Variants in ARF1 observed in about 807,000 individuals in gnomAD.
ARF1 encodes the protein ADP-ribosylation factor 1.
In ARF1, 1 loss-of-function variant was observed where a neutral mutation model predicts 18.0. That is an observed-to-expected ratio of 0.06 (90% CI 0.02 to 0.26). The LOEUF (loss-of-function observed/expected upper bound fraction) is 0.26, where lower values mean the gene tolerates loss of function less well. Among genes scored for constraint, ARF1 ranks in the 10% least tolerant of loss-of-function variants. ARF1 has a pLI of 1.00. For synonymous variants in ARF1, 112 were observed against 96.3 expected (o/e 1.16, Z -0.95); for missense variants, 73 against 247.2 (o/e 0.30, Z 4.73).
chr1:228,085,328 T>C (rs1351508670), intron 1 of ARF1, among the ~76,000 whole-genome samples: 4 of 152,266 alleles, frequency 2.6e-5, no homozygotes, highest in African/African-American at 9.6e-5. Flanking sequence ...GTTGCATTTA[T>C]TGCCTTACAG....
chr1:228,083,043 C>T (rs1276200341), intron 1 of ARF1: 1 of 152,444 alleles, frequency 6.6e-6, no homozygotes, highest in Non-Finnish European at 1.5e-5. Context: ...CTCTGCCTGT[C>T]CCTGCCCCCG....
rs1056596548 is a variant in ARF1, at chr1:228,089,644, G to A, written c.-38+6879G>A. Reference sequence around the variant, plus strand: ...GCATTAATTTTCTTTAACCTGGTGCGGAGAAGCTACAAGGGCCCCACCCCC... The same window carrying A: ...GCATTAATTTTCTTTAACCTGGTGCAGAGAAGCTACAAGGGCCCCACCCCC... On this transcript the variant is annotated intron_variant, in intron 1 of 4. Transcript: ENST00000272102. The surrounding 1 kb of genome is among the most constrained non-coding windows in gnomAD (Gnocchi z 4.1). 6.6e-6 allele frequency among the ~76,000 whole-genome samples: 1 copy of A among 152,176 alleles called. No individual in the cohort carries two copies. Among genetic ancestry groups the A allele is most frequent in the Non-Finnish European group, 1.5e-5 (1 of 68,030 alleles).
Position 228,097,009 on chromosome 1 carries a change from G to T in ARF1, c.-37-69G>T. The T allele has an allele frequency of 7.2e-7, 1 of 1,395,620 alleles. No homozygotes were observed. Among genetic ancestry groups the T allele is most frequent in the Non-Finnish European group, 9.7e-7 (1 of 1,032,896 alleles). The allele number at this position is 1,395,620 out of a possible 1,614,324, so 86.5% of individuals were successfully genotyped here. A position where few individuals can be genotyped will look rare whatever the true frequency, so the allele number is the denominator to read the frequency against. On this transcript the variant is annotated intron_variant, in intron 1 of 4. Transcript: ENST00000272102. The surrounding 1 kb of genome is among the most constrained non-coding windows in gnomAD (Gnocchi z 8.1). ...GGGGTGAGGCAGTGGTGCATCCCTG[G>T]GTGGGTGGGTTCTGAGCAACCACTG...
chr1:228,094,148 C>T (rs190720228), intron 1 of ARF1, among the ~76,000 whole-genome samples: 2 of 152,174 alleles, frequency 1.3e-5, no homozygotes, highest in African/African-American at 4.8e-5. Flanking sequence ...GTGTGACACC[C>T]CTTCCCCTGA....
rs370867199 is a variant in ARF1, at chr1:228,097,548, G to A, written c.260-43G>A. 1.1e-4 allele frequency: 175 copies of A among 1,613,806 alleles called. No homozygotes were observed. The highest frequency in any genetic ancestry group is 3.6e-5 in the Non-Finnish European group (43 of 1,179,972). On this transcript the variant is annotated intron_variant, in intron 3 of 4. Transcript: ENST00000272102. The surrounding 1 kb of genome is among the most constrained non-coding windows in gnomAD (Gnocchi z 8.1). ...CATCGATGCCCATAGATGCGGCAGG[G>A]GGGCTGTGTTCCCATGACCATTTGA...
At position 228,097,634 on chromosome 1, in the gene ARF1, C is replaced by T. The variant is rs1263325887; in HGVS notation, c.303C>T (p.Asn101=). 16 of 1,614,128 alleles carry T rather than the reference C, an allele frequency of 9.9e-6. No individual in the cohort carries two copies. Among genetic ancestry groups the T allele is most frequent in the South Asian group, 2.2e-5 (2 of 91,080 alleles). The change falls in exon 4 of 5, where the codon AAC becomes AAT. Residue 101 remains asparagine (N), a synonymous_variant. Transcript: ENST00000272102. This position sits in a 1 kb window ranked among gnomAD's most constrained non-coding sequence, Gnocchi z 8.1. ...VVDSNDRERV[N]EAREELMRML... The stretch of plus-strand genomic sequence containing the variant: ...ACAGCAATGACAGAGAGCGTGTGAA[C>T]GAGGCCCGTGAGGAGCTCATGAGGA...
intron 1 of ARF1, among the ~76,000 whole-genome samples, chr1:228,091,801 G>T (rs979340775): frequency 1.3e-5 from 2 of 152,150 alleles, no homozygotes; most frequent in African/African-American, 2.4e-5. Flanking sequence ...GGCGGGTAGC[G>T]TGATGACCAT....
intron 1 of ARF1, among the ~76,000 whole-genome samples, chr1:228,092,258 G>A (rs1472392797): frequency 6.6e-6 from 1 of 152,152 alleles, no homozygotes; most frequent in African/African-American, 2.4e-5. Flanking sequence ...AGATCAGCCT[G>A]GGCAGGATAG....
chr1:228,098,233 A>G lies in ARF1; in HGVS notation c.*220A>G, dbSNP rs1351109902. 1 of 488,138 alleles carries G rather than the reference A, an allele frequency of 2.0e-6. No homozygotes were observed. The highest frequency in any genetic ancestry group is 3.5e-6 in the Non-Finnish European group (1 of 283,986). The allele number at this position is 488,138 out of a possible 1,614,324, so 30.2% of individuals were successfully genotyped here. ...AGGCAGTTTCTGGTACTCCTATGCA[A>G]TATTACTCAGCTTTTTTTATTGTAA... On this transcript the variant is annotated 3_prime_UTR_variant, in exon 5 of 5. Transcript: ENST00000272102.
intron 1 of ARF1, chr1:228,083,218 G>A (rs1389943785): frequency 6.6e-6 from 1 of 152,226 alleles, no homozygotes; most frequent in African/African-American, 2.4e-5. Context: ...TCCCCCACCC[G>A]AGTACAGGCG....
chr1:228,095,629 T>C (rs2032719335), intron 1 of ARF1, among the ~76,000 whole-genome samples: 1 of 152,214 alleles, frequency 6.6e-6, no homozygotes, highest in Non-Finnish European at 1.5e-5. Flanking sequence ...AGATTGGACA[T>C]TGCTGCCCTA....
chr1:228,091,395 T>G (rs2032573236), intron 1 of ARF1, among the ~76,000 whole-genome samples: 1 of 152,180 alleles, frequency 6.6e-6, no homozygotes, highest in South Asian at 2.1e-4. Flanking sequence ...GGGGTCACTG[T>G]GTCGAGTTGT....
rs141769989 is a variant in ARF1 at position 228,097,132 on chromosome 1, C to T, written c.18C>T (p.Ala6=). 418 of 1,608,092 alleles carry T rather than the reference C, an allele frequency of 2.6e-4. No homozygotes were observed. The highest frequency in any genetic ancestry group is 3.5e-4 in the Non-Finnish European group (411 of 1,177,012). Residue 6 remains alanine (A), a synonymous_variant, in exon 2 of 5, where the codon GCC becomes GCT. Coordinates refer to ENST00000272102, the MANE Select transcript of ARF1 (RefSeq NM_001658.4). The surrounding 1 kb of genome is among the most constrained non-coding windows in gnomAD (Gnocchi z 8.1). ...CCACAAGCATGGGGAACATCTTCGCCAACCTCTTCAAGGGCCTTTTTGGCA... is the reference window on the plus strand; with the variant it reads ...CCACAAGCATGGGGAACATCTTCGCTAACCTCTTCAAGGGCCTTTTTGGCA... MGNIF[A]NLFKGLFGKK...
At chr1:228,091,447 T>TA (rs975964143) in intron 1 of ARF1, among the ~76,000 whole-genome samples, 16 of 151,850 alleles carry the variant, frequency 1.1e-4, no homozygotes, top group African/African-American at 2.4e-4. Context: ...GAAACTTGTG[T>TA]AAAAAAAACA....
At chr1:228,096,996 TG>T in intron 1 of ARF1, 81 bp from the exon 2 acceptor site, 1 of 1,284,906 alleles carries the variant, frequency 7.8e-7, no homozygotes, top group Non-Finnish European at 1.1e-6. Context: ...GGTGAGGCAG[TG>T]GTGCATCCCT....
intron 1 of ARF1, chr1:228,090,442 G>A (rs1404703502): frequency 6.6e-6 from 1 of 152,256 alleles, no homozygotes; most frequent in Non-Finnish European, 1.5e-5. Flanking sequence ...TCACCTGCAG[G>A]GAGAGGTGGG....
At chr1:228,093,784 T>C (rs939845017) in intron 1 of ARF1, among the ~76,000 whole-genome samples, 3 of 151,450 alleles carry the variant, frequency 2.0e-5, no homozygotes, top group Non-Finnish European at 4.4e-5. Flanking sequence ...AAAAATTAGC[T>C]CAGCGTGGTG....
rs1571835814 is a variant in ARF1, at chr1:228,087,382, T to C, written c.-38+4617T>C. Among the ~76,000 whole-genome samples the C allele has an allele frequency of 2.0e-5, 3 of 152,252 alleles. No individual in the cohort carries two copies. In the East Asian group the frequency reaches 5.8e-4, roughly 29 times the overall value. ...GCTTTGTACCTTCTGTAGATGGGAA[T>C]GCAGTTGCTCACTCACCAATCAAAT... On this transcript the variant is annotated intron_variant, in intron 1 of 4. Coordinates refer to ENST00000272102, the MANE Select transcript of ARF1 (RefSeq NM_001658.4).
rs1318089512 is a variant in ARF1 at position 228,097,222 on chromosome 1, G to A, written c.108G>A (p.Lys36=). The A allele has an allele frequency of 6.2e-7, 1 of 1,613,762 alleles. No homozygotes were observed. The highest frequency in any genetic ancestry group is 8.5e-7 in the Non-Finnish European group (1 of 1,179,814). Reference sequence around the variant, plus strand: ...CAGGGAAGACCACGATCCTCTACAAGCTTAAGCTGGGTGAGATCGTGACCA... The same window carrying A: ...CAGGGAAGACCACGATCCTCTACAAACTTAAGCTGGGTGAGATCGTGACCA... ...DAAGKTTILY[K]LKLGEIVTTI... is the part of the protein sequence containing the mutation. Residue 36 remains lysine, a synonymous_variant, in exon 2 of 5, where the codon AAG becomes AAA. Transcript: ENST00000272102. This position sits in a 1 kb window ranked among gnomAD's most constrained non-coding sequence, Gnocchi z 8.1.
Sources: gnomAD v4.1 joint callset for allele counts (sites outside exome capture counted in the v4.1 genomes callset) on GRCh38, gnomAD v4.1.1 for gene constraint, Gnocchi (gnomAD v3.1) non-coding constraint, MANE v1.5 for transcripts, NCBI Gene and HGNC (gene_info 2026-07-23, HGNC 2026-07-21) for gene names.